The following ATG7 variants were observed in gnomAD, a reference collection of about 807,000 sequenced individuals.
ATG7 encodes ubiquitin-like modifier-activating enzyme ATG7.
A neutral mutation model predicts 82.4 loss-of-function variants in ATG7; 70 were observed. The observed-to-expected ratio is 0.85, with a 90% CI of 0.70 to 1.04. The LOEUF is 1.04. Ranked by LOEUF, ATG7 falls within the 50% of genes least tolerant of loss-of-function variation. ATG7 has a pLI of 0.00. For synonymous variants in ATG7, 287 were observed against 313.0 expected, an observed-to-expected ratio of 0.92 and a Z score of 0.88; for missense variants, 792 against 864.3, an observed-to-expected ratio of 0.92 and a Z score of 1.05.
chr3:11,567,041 G>A, the ATG7 span, among the ~76,000 whole-genome samples: 312 of 152,258 alleles, frequency 2.0e-3, 1 homozygote, highest in Middle Eastern at 3.4e-3. Flanking sequence ...CGGCCCAGTC[G>A]GTGAGCTGCT....
At chr3:11,569,121 C>T in the ATG7 span, among the ~76,000 whole-genome samples, 8 of 152,310 alleles carry the variant, frequency 5.3e-5, no homozygotes, top group Admixed American at 2.0e-4. Context: ...GAATCCATCA[C>T]GTGAAAGAAG....
intron 19 of ATG7, among the ~76,000 whole-genome samples, chr3:11,425,156 G>T (rs1338518607): frequency 6.6e-6 from 1 of 152,054 alleles, no homozygotes; most frequent in Non-Finnish European, 1.5e-5. Flanking sequence ...TGGAGACAAG[G>T]TCTCACTATG....
intron 19 of ATG7, among the ~76,000 whole-genome samples, chr3:11,415,386 A>G (rs1314777355): frequency 1.3e-5 from 2 of 152,210 alleles, no homozygotes; most frequent in Non-Finnish European, 2.9e-5. Flanking sequence ...TTCTGTCTTC[A>G]GTAATAAATT....
chr3:11,350,602 A>C (rs1166303331), intron 14 of ATG7, among the ~76,000 whole-genome samples: 1 of 152,184 alleles, frequency 6.6e-6, no homozygotes, highest in Non-Finnish European at 1.5e-5. Context: ...TTATGCCTTA[A>C]AGTCTTAGCT....
chr3:11,364,930 C>T (rs769583051), intron 18 of ATG7, among the ~76,000 whole-genome samples, 196 bp downstream of exon 18: 16 of 152,240 alleles, frequency 1.1e-4, no homozygotes, highest in African/African-American at 3.4e-4. Context: ...AAATCACGAA[C>T]GAGAAGCATT....
At chr3:11,567,380 G>GT in the ATG7 span, among the ~76,000 whole-genome samples, 2 of 152,016 alleles carry the variant, frequency 1.3e-5, no homozygotes, top group Non-Finnish European at 2.9e-5. Flanking sequence ...CGTTTATGGG[G>GT]TTTTTTTCTT....
intron 5 of ATG7, among the ~76,000 whole-genome samples, chr3:11,300,367 C>G (rs1047286801): frequency 1.3e-5 from 2 of 152,094 alleles, no homozygotes; most frequent in Non-Finnish European, 2.9e-5. Context: ...TGCCCAGGGT[C>G]ACACCTGGCC....
the ATG7 span, among the ~76,000 whole-genome samples, chr3:11,566,016 G>A: frequency 2.0e-5 from 3 of 152,206 alleles, no homozygotes; most frequent in Non-Finnish European, 2.9e-5. Context: ...TATGATTTGA[G>A]TGAATTTTAA....
rs186410972 is a variant in ATG7 at position 11,491,522 on chromosome 3, C to T, written c.2080-63289C>T. The stretch of plus-strand genomic sequence containing the variant: ...TTGTTCCATTGCTGGTGAGGAGCTG[C>T]GTTCCTTTGGAGGAGGAGAGGCGCT... On this transcript the variant is annotated intron_variant, in intron 20 of 20. Coordinates refer to ENST00000693202, the MANE Select transcript of ATG7 (RefSeq NM_001349232.2). Among the ~76,000 whole-genome samples the T allele has an allele frequency of 5.9e-3, 896 of 152,280 alleles. 35 individuals are homozygous for T. The highest frequency in any genetic ancestry group is 7.5e-4 in the Non-Finnish European group (51 of 68,036).
In ATG7 at chr3:11,377,028, C is replaced by T. The variant is rs371068440; in HGVS notation, c.1876-2944C>T. Among the ~76,000 whole-genome samples, 139 of 152,278 alleles carry T rather than the reference C, an allele frequency of 9.1e-4. 3 individuals carry two copies. The East Asian group carries it at 0.022, about 24-fold the overall frequency. On this transcript the variant is annotated intron_variant, in intron 18 of 20. Transcript: ENST00000693202. ...TGCTGGGATTACAGGCGTGAGCCAC[C>T]GCGCCCGGCCTTGTCTGCCGCCTTT...
In ATG7 at chr3:11,500,161, G is replaced by A. The variant is rs566886738; in HGVS notation, c.2080-54650G>A. Among the ~76,000 whole-genome samples, 14 of 152,194 alleles carry A rather than the reference G, an allele frequency of 9.2e-5. No homozygotes were observed. The East Asian group carries it at 1.5e-3, about 17-fold the overall frequency. On this transcript the variant is annotated intron_variant, in intron 20 of 20. Coordinates refer to ENST00000693202, the MANE Select transcript of ATG7 (RefSeq NM_001349232.2). ...CTCTTTAATTCAATAGCAGCAACGC[G>A]CAACATAAAGAACAATATGAACACA...
intron 19 of ATG7, among the ~76,000 whole-genome samples, chr3:11,418,872 G>T (rs894911545): frequency 6.6e-6 from 1 of 152,146 alleles, no homozygotes. Flanking sequence ...CTTACATGGC[G>T]GCAGGAGAAA....
chr3:11,500,105 A>G (rs569108159), intron 20 of ATG7, among the ~76,000 whole-genome samples: 1 of 152,308 alleles, frequency 6.6e-6, no homozygotes, highest in Admixed American at 6.5e-5. Flanking sequence ...GTTGGCTTAG[A>G]TGACCTTTTA....
intron 12 of ATG7, 42 bp from the exon 13 acceptor site, chr3:11,342,093 G>C (rs201011541): frequency 6.4e-7 from 1 of 1,568,434 alleles, no homozygotes; most frequent in Non-Finnish European, 8.6e-7. Context: ...CAAGATTATT[G>C]CATAAAGGAG....
the ATG7 span, among the ~76,000 whole-genome samples, chr3:11,573,316 G>GAAGAAAGAAAGA: frequency 4.8e-4 from 10 of 20,750 alleles, no homozygotes; most frequent in Admixed American, 1.2e-3. Flanking sequence ...AGGAAGGAAG[G>GAAGAAAGAAAGA]AAGAAAGAAA....
At chr3:11,416,401 T>C (rs1219882965) in intron 19 of ATG7, among the ~76,000 whole-genome samples, 1 of 152,208 alleles carries the variant, frequency 6.6e-6, no homozygotes, top group Non-Finnish European at 1.5e-5. Context: ...TAGGCCTGTT[T>C]AGAATTTCCA....
At chr3:11,482,142 T>C (rs2089068415) in intron 20 of ATG7, among the ~76,000 whole-genome samples, 1 of 152,232 alleles carries the variant, frequency 6.6e-6, no homozygotes, top group South Asian at 2.1e-4. Context: ...TGCTCCGCTC[T>C]GTCCCGCTTC....
chr3:11,285,500 C>T (rs1287036835), intron 3 of ATG7, among the ~76,000 whole-genome samples: 1 of 152,056 alleles, frequency 6.6e-6, no homozygotes, highest in African/African-American at 2.4e-5. Context: ...TCATGGATAA[C>T]ATACATAAAG....
At chr3:11,490,837 A>G (rs1181398653) in intron 20 of ATG7, among the ~76,000 whole-genome samples, 1 of 152,232 alleles carries the variant, frequency 6.6e-6, no homozygotes, top group African/African-American at 2.4e-5. Flanking sequence ...CTGCTGAGAC[A>G]TCAGCTGTTA....
Sources: gnomAD v4.1 joint callset for allele counts (sites outside exome capture counted in the v4.1 genomes callset) on GRCh38, gnomAD v4.1.1 for gene constraint, MANE v1.5 for transcripts, NCBI Gene and HGNC (gene_info 2026-07-23, HGNC 2026-07-21) for gene names.